NELL1: variants seen among roughly 807,000 people sequenced by gnomAD.
NELL1 encodes the protein protein kinase C-binding protein NELL1.
Under a neutral mutation model 107.4 loss-of-function variants are expected in NELL1, and 76 were observed. The observed-to-expected ratio is 0.71, with a 90% CI of 0.59 to 0.86. The LOEUF is 0.86. Among genes scored for constraint, NELL1 ranks in the 40% least tolerant of loss-of-function variants. The pLI is 0.00. For missense variants in NELL1, 1,024 were observed against 1,005.5 expected (o/e 1.02, Z -0.25); for synonymous variants, 353 against 341.2 (o/e 1.03, Z -0.38).
At chr11:21,090,577 T>G (rs1052791616) in intron 12 of NELL1, among the ~76,000 whole-genome samples, 2 of 152,306 alleles carry the variant, frequency 1.3e-5, no homozygotes, top group Non-Finnish European at 2.9e-5. Context: ...AAAGACCTGG[T>G]ATATTGAGCA....
intron 2 of NELL1, among the ~76,000 whole-genome samples, chr11:20,712,690 C>T (rs1242084575): frequency 1.3e-5 from 2 of 152,208 alleles, no homozygotes; most frequent in South Asian, 2.1e-4. Flanking sequence ...GGTGCTCTCC[C>T]ACTTTCACTA....
intron 12 of NELL1, among the ~76,000 whole-genome samples, chr11:20,998,791 T>A (rs1269731893): frequency 1.3e-5 from 2 of 152,216 alleles, no homozygotes; most frequent in African/African-American, 4.8e-5. Context: ...AAGATGAGAT[T>A]GGATTAAATT....
intron 12 of NELL1, among the ~76,000 whole-genome samples, chr11:21,066,815 G>A (rs547690161): frequency 2.0e-5 from 3 of 152,122 alleles, no homozygotes; most frequent in South Asian, 4.2e-4. Flanking sequence ...TTAGCTGGGT[G>A]TGATGGTGCA....
At chr11:20,975,649 G>T (rs1217659005) in intron 12 of NELL1, among the ~76,000 whole-genome samples, 3 of 126,848 alleles carry the variant, frequency 2.4e-5, no homozygotes, top group African/African-American at 8.8e-5. Flanking sequence ...ATTATATAAT[G>T]TATGTATTAT....
At chr11:21,319,435 C>T (rs139321110) in intron 14 of NELL1, among the ~76,000 whole-genome samples, 2,135 of 150,192 alleles carry the variant, frequency 0.014, 67 homozygotes, top group African/African-American at 0.049. Flanking sequence ...AATGATCCAC[C>T]TGCCTTGACC....
At chr11:20,717,550 T>G (rs1030197489) in intron 2 of NELL1, among the ~76,000 whole-genome samples, 10 of 152,142 alleles carry the variant, frequency 6.6e-5, no homozygotes, top group African/African-American at 2.2e-4. Flanking sequence ...GTTAAACACC[T>G]TGCCCAAGAT....
chr11:20,856,979 G>C (rs376708417), intron 4 of NELL1, among the ~76,000 whole-genome samples: 86 of 152,344 alleles, frequency 5.6e-4, no homozygotes, highest in African/African-American at 2.0e-3. Flanking sequence ...ATCTGGGCCA[G>C]AGTGACTCAG....
At chr11:20,856,370 C>T (rs186040179) in intron 4 of NELL1, among the ~76,000 whole-genome samples, 1 of 152,292 alleles carries the variant, frequency 6.6e-6, no homozygotes, top group East Asian at 1.9e-4. Flanking sequence ...GTAATGGTGT[C>T]TCTAACTCTC....
intron 13 of NELL1, among the ~76,000 whole-genome samples, chr11:21,197,075 C>T (rs564657534): frequency 6.6e-6 from 1 of 151,714 alleles, no homozygotes; most frequent in African/African-American, 2.4e-5. Context: ...TTTCACCATA[C>T]ACCATATTGG....
At chr11:20,753,463 G>A (rs1216971845) in intron 2 of NELL1, among the ~76,000 whole-genome samples, 2 of 152,260 alleles carry the variant, frequency 1.3e-5, no homozygotes, top group East Asian at 3.9e-4. Flanking sequence ...ACCCTGGAAG[G>A]TGGAATCAGT....
At chr11:21,117,130 C>A (rs1280259926) in intron 13 of NELL1, among the ~76,000 whole-genome samples, 1 of 151,774 alleles carries the variant, frequency 6.6e-6, no homozygotes, top group Non-Finnish European at 1.5e-5. Flanking sequence ...AAGTCTTTTT[C>A]CTCTTGATAT....
At chr11:20,999,011 T>A (rs1852155292) in intron 12 of NELL1, among the ~76,000 whole-genome samples, 1 of 152,168 alleles carries the variant, frequency 6.6e-6, no homozygotes, top group Non-Finnish European at 1.5e-5. Context: ...GAGAGTTCTA[T>A]CACACATTTG....
chr11:21,411,943 T>C (rs1436542954), intron 15 of NELL1, among the ~76,000 whole-genome samples: 2 of 152,096 alleles, frequency 1.3e-5, no homozygotes, highest in East Asian at 1.9e-4. Flanking sequence ...TTTGTACTGA[T>C]GACCTTTCTC....
chr11:20,985,719 T>G (rs1565000494), intron 12 of NELL1, among the ~76,000 whole-genome samples: 1 of 152,220 alleles, frequency 6.6e-6, no homozygotes, highest in Admixed American at 6.5e-5. Flanking sequence ...CATGCTAGTT[T>G]AGATAAACTG....
intron 15 of NELL1, among the ~76,000 whole-genome samples, chr11:21,431,537 G>A (rs1564890226): frequency 6.6e-6 from 1 of 152,156 alleles, no homozygotes; most frequent in African/African-American, 2.4e-5. Context: ...TAATTGTTAG[G>A]TTTCTAAGAT....
At chr11:20,713,813 A>G (rs551094427) in intron 2 of NELL1, among the ~76,000 whole-genome samples, 246 of 152,314 alleles carry the variant, frequency 1.6e-3, no homozygotes, top group Non-Finnish European at 2.6e-3. Context: ...CCTGGATTTC[A>G]GCTGGAGATT....
At chr11:21,165,563 A>AGTCTTGGCTT (rs1565092087) in intron 13 of NELL1, among the ~76,000 whole-genome samples, 1 of 151,940 alleles carries the variant, frequency 6.6e-6, no homozygotes, top group African/African-American at 2.4e-5. Context: ...CTGCAATCCC[A>AGTCTTGGCTT]CCCCTAGGTG....
intron 16 of NELL1, among the ~76,000 whole-genome samples, chr11:21,551,671 AC>A (rs1281688181): frequency 2.0e-5 from 3 of 151,492 alleles, no homozygotes; most frequent in Non-Finnish European, 1.5e-5. Context: ...AAATAGGAAC[AC>A]TTTTACACTG....
intron 15 of NELL1, among the ~76,000 whole-genome samples, chr11:21,500,930 T>A (rs1279632482): frequency 1.3e-5 from 2 of 152,268 alleles, no homozygotes; most frequent in East Asian, 3.9e-4. Context: ...TTCAGAATTG[T>A]TTTTTCCCCT....
Sources: gnomAD v4.1 joint callset for allele counts (sites outside exome capture counted in the v4.1 genomes callset) on GRCh38, gnomAD v4.1.1 for gene constraint, MANE v1.5 for transcripts, NCBI Gene and HGNC (gene_info 2026-07-23, HGNC 2026-07-21) for gene names.